Variants in BLK observed in about 807,000 individuals in gnomAD.
BLK encodes tyrosine-protein kinase Blk.
A neutral mutation model predicts 61.8 loss-of-function variants in BLK; 64 were observed. The ratio of observed to expected loss-of-function variants is 1.03; its 90% CI spans 0.85 to 1.27. The LOEUF is 1.27. BLK is among the 50% of genes most tolerant of loss of function. BLK has a pLI of 0.00. For synonymous variants in BLK, 351 were observed against 272.0 expected, an observed-to-expected ratio of 1.29 and a Z score of -2.86; for missense variants, 853 against 660.5, an observed-to-expected ratio of 1.29 and a Z score of -3.19.
At chr8:11,559,658 C>A (rs774385531) in intron 10 of BLK, 13 of 433,506 alleles carry the variant, frequency 3.0e-5, no homozygotes, top group Non-Finnish European at 5.6e-5. Context: ...TCTGGCCAAC[C>A]CCACAGGAAC....
intron 1 of BLK, among the ~76,000 whole-genome samples, chr8:11,538,468 C>T (rs894017880): frequency 6.6e-6 from 1 of 152,240 alleles, no homozygotes; most frequent in South Asian, 2.1e-4. Flanking sequence ...ATCATCTGCA[C>T]ACACACTGCT....
chr8:11,561,795 G>T (rs1249867451), intron 11 of BLK, among the ~76,000 whole-genome samples: 1 of 151,718 alleles, frequency 6.6e-6, no homozygotes, highest in Non-Finnish European at 1.5e-5. Context: ...CTCACCTAGT[G>T]CCTCCCAAAC....
chr8:11,498,756 T>A (rs1338274596), intron 1 of BLK, among the ~76,000 whole-genome samples: 3 of 152,202 alleles, frequency 2.0e-5, no homozygotes, highest in African/African-American at 7.2e-5. Context: ...GTTAATTATA[T>A]CCTCTCAGTC....
At chr8:11,533,602 G>A (rs966654103) in intron 1 of BLK, among the ~76,000 whole-genome samples, 12 of 108,278 alleles carry the variant, frequency 1.1e-4, no homozygotes, top group South Asian at 4.0e-4. Flanking sequence ...GGAGGAGGAG[G>A]AGAAGGAGGA....
At chr8:11,527,914 G>A (rs999831237) in intron 1 of BLK, among the ~76,000 whole-genome samples, 2 of 152,112 alleles carry the variant, frequency 1.3e-5, no homozygotes, top group African/African-American at 4.8e-5. Context: ...CAGAAATTAT[G>A]CCTACATTTT....
At chr8:11,523,753 G>A (rs1293006209) in intron 1 of BLK, among the ~76,000 whole-genome samples, 1 of 151,850 alleles carries the variant, frequency 6.6e-6, no homozygotes, top group Non-Finnish European at 1.5e-5. Context: ...AAACACAAGT[G>A]GCTAATAAGT....
intron 1 of BLK, among the ~76,000 whole-genome samples, chr8:11,530,372 AG>A (rs1184018498): frequency 6.6e-6 from 1 of 152,204 alleles, no homozygotes; most frequent in African/African-American, 2.4e-5. Flanking sequence ...GTACAGGACA[AG>A]GTAGGAGGTC....
chr8:11,557,399 C>T (rs933041207), intron 9 of BLK, among the ~76,000 whole-genome samples: 21 of 152,182 alleles, frequency 1.4e-4, no homozygotes, highest in African/African-American at 5.1e-4. Context: ...ACAACTGTCA[C>T]CAAGGGGCCC....
chr8:11,538,451 A>G (rs1800228727), intron 1 of BLK, among the ~76,000 whole-genome samples: 1 of 152,232 alleles, frequency 6.6e-6, no homozygotes, highest in African/African-American at 2.4e-5. Context: ...CATGAGACCC[A>G]TGGAAAATCA....
At chr8:11,524,188 A>G (rs1241112290) in intron 1 of BLK, among the ~76,000 whole-genome samples, 2 of 152,212 alleles carry the variant, frequency 1.3e-5, no homozygotes, top group East Asian at 3.8e-4. Flanking sequence ...AATTACATTT[A>G]TTTATATATA....
intron 1 of BLK, among the ~76,000 whole-genome samples, chr8:11,541,614 C>T (rs1800385417): frequency 6.6e-6 from 1 of 151,960 alleles, no homozygotes. Flanking sequence ...TCTTTTGCCT[C>T]AGCCTCCTGA....
intron 1 of BLK, among the ~76,000 whole-genome samples, chr8:11,503,613 G>A (rs1035752082): frequency 6.6e-6 from 1 of 152,224 alleles, no homozygotes; most frequent in Admixed American, 6.5e-5. Flanking sequence ...GTGGACCAGG[G>A]ATCTGTGTGC....
intron 1 of BLK, among the ~76,000 whole-genome samples, chr8:11,498,762 C>G (rs1247759174): frequency 6.6e-6 from 1 of 152,210 alleles, no homozygotes; most frequent in Non-Finnish European, 1.5e-5. Context: ...TATATCCTCT[C>G]AGTCTTATTT....
In BLK at chr8:11,564,497, C is replaced by T; in HGVS notation, c.*389C>T. On this transcript the variant is annotated 3_prime_UTR_variant, in exon 13 of 13. Transcript: ENST00000259089. ...GCGTGGACCCCGCCCTGCCCCGCTA[C>T]AGAAGCCAGACTGGGTCCCGCGGAC... The T allele has an allele frequency of 2.0e-6, 1 of 508,650 alleles. No individual in the cohort carries two copies. Among genetic ancestry groups the T allele is most frequent in the Non-Finnish European group, 3.8e-6 (1 of 261,328 alleles). The allele number at this position is 508,650 out of a possible 1,614,324, so 31.5% of individuals were successfully genotyped here. A position where few individuals can be genotyped will look rare whatever the true frequency, so the allele number is the denominator to read the frequency against.
At chr8:11,527,474 C>CT (rs569354838) in intron 1 of BLK, among the ~76,000 whole-genome samples, 4,295 of 143,862 alleles carry the variant, frequency 0.03, 122 homozygotes, top group African/African-American at 0.073. Context: ...ATTTTTCTTT[C>CT]TTTTTTTTTT....
chr8:11,544,977 A>G (rs1800560905), intron 2 of BLK, among the ~76,000 whole-genome samples: 2 of 151,932 alleles, frequency 1.3e-5, no homozygotes, highest in African/African-American at 4.8e-5. Context: ...AGGCCCCAAT[A>G]CCCAGAATCT....
intron 1 of BLK, among the ~76,000 whole-genome samples, chr8:11,508,652 C>G (rs1248438252): frequency 1.3e-5 from 2 of 152,244 alleles, no homozygotes; most frequent in South Asian, 2.1e-4. Context: ...TTGGAACTGT[C>G]ACTAGTCAAT....
At chr8:11,503,385 C>G (rs970076561) in intron 1 of BLK, among the ~76,000 whole-genome samples, 2 of 152,178 alleles carry the variant, frequency 1.3e-5, no homozygotes, top group African/African-American at 4.8e-5. Context: ...CTGGTTTCCT[C>G]TGATCAGAAA....
At chr8:11,494,801 G>A (rs957606393) in intron 1 of BLK, among the ~76,000 whole-genome samples, 2 of 152,216 alleles carry the variant, frequency 1.3e-5, no homozygotes, top group African/African-American at 2.4e-5. Flanking sequence ...ATTTATAAAA[G>A]GTCATCCATC....
Sources: allele counts gnomAD v4.1 joint callset (sites outside exome capture counted in the v4.1 genomes callset), GRCh38; gene constraint gnomAD v4.1.1; transcripts MANE v1.5; gene names NCBI Gene and HGNC (gene_info 2026-07-23, HGNC 2026-07-21).